Variants in COA8 observed in about 807,000 individuals in gnomAD.
COA8 encodes cytochrome c oxidase assembly factor 8, also known as UPF0671 protein C14orf153.
A neutral mutation model predicts 22.0 loss-of-function variants in COA8; 20 were observed. That is an observed-to-expected ratio of 0.91 (90% CI 0.64 to 1.32). The LOEUF (loss-of-function observed/expected upper bound fraction) is 1.32. COA8 is among the 40% of genes most tolerant of loss of function. COA8 has a pLI of 0.00. For missense variants in COA8, 266 were observed against 230.0 expected, an observed-to-expected ratio of 1.16 and a Z score of -1.01; for synonymous variants, 105 against 79.9, an observed-to-expected ratio of 1.31 and a Z score of -1.68.
intron 1 of COA8, 55 bp from the exon 2 acceptor site, chr14:103,571,568 T>C (rs2076184509): frequency 6.8e-7 from 1 of 1,466,114 alleles, no homozygotes; most frequent in Non-Finnish European, 9.5e-7. Context: ...ATTGTACATT[T>C]TATAATACTA....
chr14:103,587,399 G>A, intron 4 of COA8, 35 bp downstream of exon 4: 1 of 1,450,846 alleles, frequency 6.9e-7, no homozygotes, highest in East Asian at 2.3e-5. Flanking sequence ...AATTTGAATA[G>A]CACATCCAGA....
chr14:103,567,062 C>T (rs976052094), intron 1 of COA8, among the ~76,000 whole-genome samples: 6 of 152,272 alleles, frequency 3.9e-5, no homozygotes, highest in Admixed American at 6.5e-5. Context: ...CATGTGCCAC[C>T]GCACCTGGCT....
intron 3 of COA8, among the ~76,000 whole-genome samples, chr14:103,577,580 C>G (rs1181154372): frequency 6.6e-6 from 1 of 152,044 alleles, no homozygotes; most frequent in Non-Finnish European, 1.5e-5. Flanking sequence ...TGAATCATCT[C>G]TAAGAATTCA....
At chr14:103,585,251 G>A (rs1266467073) in intron 3 of COA8, among the ~76,000 whole-genome samples, 1 of 152,120 alleles carries the variant, frequency 6.6e-6, no homozygotes, top group East Asian at 1.9e-4. Context: ...GGCCAAGGCG[G>A]GTGGATCACC....
At chr14:103,569,222 A>G (rs1382877923) in intron 1 of COA8, among the ~76,000 whole-genome samples, 1 of 152,186 alleles carries the variant, frequency 6.6e-6, no homozygotes, top group Non-Finnish European at 1.5e-5. Context: ...TCTTCCTCTT[A>G]CCAAAGGACA....
chr14:103,577,162 C>T (rs925268105), intron 3 of COA8, among the ~76,000 whole-genome samples: 2 of 152,112 alleles, frequency 1.3e-5, no homozygotes, highest in Non-Finnish European at 2.9e-5. Context: ...TCTCCACCTC[C>T]GGGTTCAAGC....
chr14:103,568,512 T>C (rs12890820), intron 1 of COA8, among the ~76,000 whole-genome samples: 40,946 of 151,242 alleles, frequency 0.27, 5,782 homozygotes, highest in East Asian at 0.35. Context: ...CATGTATACA[T>C]ATATATACAC....
At chr14:103,564,250 T>C (rs2076117271) in intron 1 of COA8, among the ~76,000 whole-genome samples, 1 of 152,178 alleles carries the variant, frequency 6.6e-6, no homozygotes. Context: ...AATTGTAGCT[T>C]TGAAGGTCTA....
At chr14:103,572,535 G>A (rs1459675989) in intron 2 of COA8, among the ~76,000 whole-genome samples, 1 of 152,108 alleles carries the variant, frequency 6.6e-6, no homozygotes, top group African/African-American at 2.4e-5. Flanking sequence ...TTTGAGAGCA[G>A]CCTGGCCAAC....
intron 4 of COA8, among the ~76,000 whole-genome samples, chr14:103,587,745 G>A (rs1194162652): frequency 6.6e-6 from 1 of 151,790 alleles, no homozygotes; most frequent in African/African-American, 2.4e-5. Context: ...CTGACCTCGT[G>A]ATCCGCCTGC....
chr14:103,574,598 G>A (rs2076217124), intron 3 of COA8: 1 of 355,206 alleles, frequency 2.8e-6, no homozygotes, highest in Non-Finnish European at 5.5e-6. Context: ...CTGCCAAAAA[G>A]TTGTTCTGAT....
chr14:103,564,933 T>C (rs921639681), intron 1 of COA8, among the ~76,000 whole-genome samples: 2 of 152,000 alleles, frequency 1.3e-5, no homozygotes, highest in African/African-American at 2.4e-5. Flanking sequence ...GTTCTCAAGA[T>C]GAGAGACCTC....
chr14:103,577,972 C>T (rs1254049877), intron 3 of COA8, among the ~76,000 whole-genome samples: 1 of 146,052 alleles, frequency 6.8e-6, no homozygotes, highest in Non-Finnish European at 1.5e-5. Context: ...TGCACTGAAC[C>T]GAGATTGCAC....
chr14:103,573,434 G>A lies in COA8; in HGVS notation c.322-673G>A, dbSNP rs1356025455. On this transcript the variant is annotated intron_variant, in intron 2 of 4. Transcript: ENST00000409074. ...GATTCGCCTGCCTTGGCCTCCCAAA[G>A]TGCTGGGATTACAGGCATGAGCCAT... Among the ~76,000 whole-genome samples the A allele has an allele frequency of 4.6e-5, 7 of 152,054 alleles. No individual in the cohort carries two copies. The East Asian group carries it at 1.4e-3, about 29-fold the overall frequency.
intron 3 of COA8, among the ~76,000 whole-genome samples, chr14:103,585,747 T>C (rs1306023136): frequency 6.6e-6 from 1 of 151,322 alleles, no homozygotes; most frequent in Non-Finnish European, 1.5e-5. Flanking sequence ...GGCTAATTTT[T>C]GTACTTTTAG....
At chr14:103,580,378 T>G (rs2142295905) in intron 3 of COA8, among the ~76,000 whole-genome samples, 1 of 151,360 alleles carries the variant, frequency 6.6e-6, no homozygotes, top group Admixed American at 6.6e-5. Context: ...GTGCAGTCTC[T>G]GCTCACTGCA....
intron 1 of COA8, among the ~76,000 whole-genome samples, chr14:103,568,332 G>C (rs908703136): frequency 3.3e-5 from 5 of 152,138 alleles, no homozygotes; most frequent in Non-Finnish European, 7.4e-5. Flanking sequence ...AAAAGCAGAG[G>C]GGGCTGGAGA....
rs1432279406 is a variant in COA8 at position 103,587,316 on chromosome 14, A to G, written c.428A>G (p.Tyr143Cys). Residue 143 changes from tyrosine to cysteine, a missense_variant, in exon 4 of 5, where the codon TAC (tyrosine) becomes TGC (cysteine). Transcript: ENST00000409074. ...TLNAEEMADFYKEFLSKNFQK... is the reference protein window; with the variant it reads ...TLNAEEMADFCKEFLSKNFQK... ...AATGCAGAAGAAATGGCGGACTTCT[A>G]CAAGGAATTTTTAAGTAAAAATTTT... 3.1e-6 allele frequency: 5 copies of G among 1,613,410 alleles called. No individual in the cohort carries two copies. The African/African-American group carries it at 4.0e-5, about 13-fold the overall frequency.
chr14:103,569,022 CCT>C (rs1413941899), intron 1 of COA8, among the ~76,000 whole-genome samples: 1 of 152,142 alleles, frequency 6.6e-6, no homozygotes, highest in African/African-American at 2.4e-5. Context: ...TGCACATGTG[CCT>C]CTCTGTGACA....
Sources: allele counts gnomAD v4.1 joint callset (sites outside exome capture counted in the v4.1 genomes callset), GRCh38; gene constraint gnomAD v4.1.1; transcripts MANE v1.5; gene names NCBI Gene and HGNC (gene_info 2026-07-23, HGNC 2026-07-21).